SNURF: variants seen among roughly 807,000 people sequenced by gnomAD.
The protein encoded by SNURF is SNURF protein.
Under a neutral mutation model 11.6 loss-of-function variants are expected in SNURF, and 6 were observed. The ratio of observed to expected loss-of-function variants is 0.52; its 90% confidence interval spans 0.28 to 1.02. The LOEUF (loss-of-function observed/expected upper bound fraction) is 1.02. Ranked by LOEUF, SNURF falls within the 50% of genes least tolerant of loss-of-function variation. The probability of loss-of-function intolerance (pLI) is 0.09; values close to 1 mark genes in which losing one functional copy is unlikely to be tolerated. For missense variants in SNURF, 84 were observed against 88.4 expected (o/e 0.95, Z 0.20); for synonymous variants, 29 against 31.6 (o/e 0.92, Z 0.27).
At chr15:24,965,704 C>A (rs2075518307) in intron 2 of SNURF, among the ~76,000 whole-genome samples, 1 of 152,090 alleles carries the variant, frequency 6.6e-6, no homozygotes, top group Admixed American at 6.6e-5. Context: ...ATATTTTATG[C>A]TAAGCTTCAC....
At chr15:24,962,205 C>G (rs1289403288) in exon 2 of SNURF, 1 of 1,613,040 alleles carries the variant, frequency 6.2e-7, no homozygotes, top group Non-Finnish European at 8.5e-7. Context: ...ACTGAGCAAC[C>G]AAGAGTGAGT....
intron 2 of SNURF, among the ~76,000 whole-genome samples, chr15:24,963,889 A>G (rs1486255493): frequency 1.3e-5 from 2 of 151,936 alleles, no homozygotes; most frequent in South Asian, 4.2e-4. Flanking sequence ...TAAATTAGCC[A>G]GGCGTGGTGT....
chr15:24,967,641 T>TAA (rs35079024), intron 2 of SNURF, among the ~76,000 whole-genome samples: 1 of 133,964 alleles, frequency 7.5e-6, no homozygotes, highest in East Asian at 2.2e-4. Flanking sequence ...GACTCTGTCT[T>TAA]AAAAAAAAAA....
exon 7 of SNURF, chr15:24,977,850 C>T: frequency 6.2e-7 from 1 of 1,613,264 alleles, no homozygotes; most frequent in Non-Finnish European, 8.5e-7. Flanking sequence ...TGCTGGAGCC[C>T]CAACACAGTA....
chr15:24,962,133 C>T lies in SNURF; in HGVS notation c.34C>T (p.Arg12Ter). 6.2e-7 allele frequency: 1 copy of T among 1,614,080 alleles called. No homozygotes were observed. Among genetic ancestry groups the T allele is most frequent in the South Asian group, 1.1e-5 (1 of 91,086 alleles). Residue 12 changes from arginine (R) to a stop codon, truncating the protein, a stop_gained, in exon 2 of 3, where the codon CGA (arginine) becomes TGA (stop). Coordinates refer to ENST00000577949, the Ensembl canonical transcript of SNURF. LOFTEE classifies it high-confidence loss of function. Reference sequence around the variant, plus strand: ...TTTCAGGGATCGCTTACACCTGAGACGAACTACAGAACAGCACGTACCAGA... The same window carrying T: ...TTTCAGGGATCGCTTACACCTGAGATGAACTACAGAACAGCACGTACCAGA...
At chr15:24,978,716 C>T (rs2077332445), downstream of SNURF, 1 of 497,940 alleles carries the variant, frequency 2.0e-6, no homozygotes, top group African/African-American at 1.9e-5. Flanking sequence ...AGGTTTTCTG[C>T]TATCTAACTT....
exon 6 of SNURF, chr15:24,976,993 AG>A: frequency 6.3e-7 from 1 of 1,599,258 alleles, no homozygotes. Flanking sequence ...CTGGATTGGC[AG>A]GCCCTGTCCG....
chr15:24,970,189 G>A (rs1257841486), downstream of SNURF, among the ~76,000 whole-genome samples: 1 of 152,156 alleles, frequency 6.6e-6, no homozygotes, highest in African/African-American at 2.4e-5. Flanking sequence ...AGTCTGCTGT[G>A]GAGGAAGATG....
chr15:24,975,189 C>T lies in SNURF; in HGVS notation c.*46-169C>T, dbSNP rs527524796. Among the ~76,000 whole-genome samples, 72 of 152,146 alleles carry T rather than the reference C, an allele frequency of 4.7e-4. 1 individual carries two copies. In the South Asian group the frequency reaches 0.014, roughly 30 times the overall value. On this transcript the variant is annotated intron_variant and NMD_transcript_variant, in intron 3 of 6. Transcript: ENST00000580062. ...AAATACTTCATAATCCTTTGTGGTC[C>T]TCCAAAGAGCCATACTAAATATGGA...
At chr15:24,973,115 T>C (rs1299335212), downstream of SNURF, among the ~76,000 whole-genome samples, 1 of 152,204 alleles carries the variant, frequency 6.6e-6, no homozygotes, top group South Asian at 2.1e-4. Flanking sequence ...TCTTGAATTC[T>C]TGACCTCAGG....
chr15:24,964,943 A>C (rs1479507175), intron 2 of SNURF, among the ~76,000 whole-genome samples: 1 of 152,186 alleles, frequency 6.6e-6, no homozygotes, highest in South Asian at 2.1e-4. Flanking sequence ...TATATGTACA[A>C]ATACTGCAGG....
At chr15:24,956,352 A>AGG (rs1555404301) in intron 1 of SNURF, among the ~76,000 whole-genome samples, 2 of 72,406 alleles carry the variant, frequency 2.8e-5, no homozygotes, top group Non-Finnish European at 6.0e-5. Flanking sequence ...CAAGCGCTTC[A>AGG]GCGGGGGGGT....
chr15:24,957,858 A>G (rs1475374528), intron 1 of SNURF, among the ~76,000 whole-genome samples: 1 of 152,222 alleles, frequency 6.6e-6, no homozygotes, highest in South Asian at 2.1e-4. Flanking sequence ...GTAGTCTTGC[A>G]TTCAGGCCCG....
chr15:24,958,225 A>G (rs1187632348), intron 1 of SNURF, among the ~76,000 whole-genome samples: 1 of 152,136 alleles, frequency 6.6e-6, no homozygotes, highest in Non-Finnish European at 1.5e-5. Context: ...TTTTGTTTAT[A>G]AGGTGTCAAG....
chr15:24,977,234 C>G (rs899175052), intron 6 of SNURF, among the ~76,000 whole-genome samples: 1 of 152,204 alleles, frequency 6.6e-6, no homozygotes, highest in African/African-American at 2.4e-5. Context: ...CCAGGTTACT[C>G]TTGGCAAGAG....
At chr15:24,956,547 C>G (rs533449806) in intron 1 of SNURF, among the ~76,000 whole-genome samples, 1 of 152,210 alleles carries the variant, frequency 6.6e-6, no homozygotes, top group African/African-American at 2.4e-5. Flanking sequence ...GTTGCGCAGA[C>G]GCAGCAGAGG....
intron 1 of SNURF, among the ~76,000 whole-genome samples, chr15:24,961,363 T>C (rs2074776806): frequency 6.6e-6 from 1 of 152,214 alleles, no homozygotes; most frequent in Non-Finnish European, 1.5e-5. Context: ...CTTTGAATTT[T>C]GCTTTTGAGA....
chr15:24,962,038 A>G, intron 1 of SNURF, 76 bp from the exon 2 acceptor site: 6 of 1,206,010 alleles, frequency 5.0e-6, no homozygotes, highest in South Asian at 2.4e-5. Flanking sequence ...ATGTAGTTCT[A>G]AATATAACCT....
intron 2 of SNURF, among the ~76,000 whole-genome samples, chr15:24,963,927 G>A (rs1208943070): frequency 6.6e-6 from 1 of 152,012 alleles, no homozygotes; most frequent in African/African-American, 2.4e-5. Context: ...AGCTACCTGG[G>A]AGGCTGAAGT....
Sources: gnomAD v4.1 joint callset for allele counts (sites outside exome capture counted in the v4.1 genomes callset) on GRCh38, gnomAD v4.1.1 for gene constraint, MANE v1.5 for transcripts, NCBI Gene and HGNC (gene_info 2026-07-23, HGNC 2026-07-21) for gene names.